The following PCDHGA4 variants were observed in gnomAD, a reference collection of about 807,000 sequenced individuals.
PCDHGA4 encodes protocadherin gamma-A4.
PCDHGA4 carries 38 observed loss-of-function variants against 54.6 expected under a neutral mutation model. That is an observed-to-expected ratio of 0.70 (90% confidence interval 0.54 to 0.91). The LOEUF (loss-of-function observed/expected upper bound fraction) is 0.91. Ranked by LOEUF, PCDHGA4 falls within the 40% of genes least tolerant of loss-of-function variation. The pLI is 0.00. For synonymous variants in PCDHGA4, 511 were observed against 512.9 expected (o/e 1.00, Z 0.05); for missense variants, 1,298 against 1,220.9 (o/e 1.06, Z -0.94).
rs371490086 is a variant in PCDHGA4, at chr5:141,405,329, G to T, written c.2514+47708G>T. 3 of 1,614,168 alleles carry T rather than the reference G, an allele frequency of 1.9e-6. No individual in the cohort carries two copies. Among genetic ancestry groups the T allele is most frequent in the Non-Finnish European group, 2.5e-6 (3 of 1,180,010 alleles). On this transcript the variant is annotated intron_variant, in intron 1 of 3. Coordinates refer to ENST00000571252, the MANE Select transcript of PCDHGA4 (RefSeq NM_018917.4). The stretch of plus-strand genomic sequence containing the variant: ...CTGTGAGAAAAATGAGCCTTTGTGC[G>T]TCTCTGTTGATTCCAAGTTTCCTAT...
At chr5:141,392,627 G>C (rs4151699) in intron 1 of PCDHGA4, 43,187 of 584,208 alleles carry the variant, frequency 0.074, 2,003 homozygotes, top group Non-Finnish European at 0.093. Flanking sequence ...AAAACACTCA[G>C]ATCTCACACC....
intron 1 of PCDHGA4, among the ~76,000 whole-genome samples, chr5:141,425,819 A>C (rs1183860957): frequency 6.6e-6 from 1 of 152,246 alleles, no homozygotes; most frequent in Non-Finnish European, 1.5e-5. Flanking sequence ...TTAGAAAAAA[A>C]CAAACTTTTA....
At chr5:141,464,995 G>A (rs1330469198) in intron 1 of PCDHGA4, among the ~76,000 whole-genome samples, 1 of 151,962 alleles carries the variant, frequency 6.6e-6, no homozygotes, top group East Asian at 1.9e-4. Context: ...TCCCACCTCA[G>A]CCTCCCAAAG....
chr5:141,427,994 C>T, intron 1 of PCDHGA4: 1 of 1,599,396 alleles, frequency 6.3e-7, no homozygotes, highest in Non-Finnish European at 8.6e-7. Flanking sequence ...CCGATGGCTC[C>T]GCACTCTTCG....
chr5:141,410,849 CTTT>C (rs759346998), intron 1 of PCDHGA4: 1,556 of 136,944 alleles, frequency 0.011, no homozygotes, highest in South Asian at 0.02. Flanking sequence ...TTGTCTTTGT[CTTT>C]TTTTTTTTTT....
intron 1 of PCDHGA4, chr5:141,376,605 G>A (rs1772889995): frequency 1.2e-5 from 18 of 1,502,688 alleles, no homozygotes; most frequent in Middle Eastern, 3.5e-4. Flanking sequence ...TTATAGAAGC[G>A]AACCTCTTTT....
intron 1 of PCDHGA4, chr5:141,364,663 G>T: frequency 6.2e-7 from 1 of 1,614,042 alleles, no homozygotes; most frequent in Non-Finnish European, 8.5e-7. Flanking sequence ...TCTTGGTTGA[G>T]AACAAAATGA....
chr5:141,506,209 G>A (rs549403288), intron 3 of PCDHGA4, among the ~76,000 whole-genome samples: 3 of 152,284 alleles, frequency 2.0e-5, no homozygotes, highest in African/African-American at 7.2e-5. Context: ...CCAGCACTTT[G>A]GGAAGCTGAG....
chr5:141,413,570 A>G, intron 1 of PCDHGA4: 1 of 1,613,930 alleles, frequency 6.2e-7, no homozygotes, highest in Non-Finnish European at 8.5e-7. Context: ...GATATCAATG[A>G]CAATGCTCCA....
rs1243112302 is a variant in PCDHGA4, at chr5:141,476,738, C to G, written c.2515-18069C>G. 6.2e-7 allele frequency: 1 copy of G among 1,614,076 alleles called. No homozygotes were observed. Among genetic ancestry groups the G allele is most frequent in the Non-Finnish European group, 8.5e-7 (1 of 1,180,028 alleles). On this transcript the variant is annotated intron_variant, in intron 1 of 3. Transcript: ENST00000571252. This position sits in a 1 kb window ranked among gnomAD's most constrained non-coding sequence, Gnocchi z 7.6. ...GCGCGCCCTGGACCGAGAACGGGAG[C>G]CTAGTCTCCAGTTAGTGCTGACGGC...
intron 1 of PCDHGA4, chr5:141,414,951 G>A (rs1411406878): frequency 5.6e-6 from 9 of 1,614,092 alleles, no homozygotes; most frequent in Non-Finnish European, 7.6e-6. Flanking sequence ...GCTACCTGGT[G>A]ACCAAGGTGG....
intron 1 of PCDHGA4, chr5:141,427,535 C>T (rs746067304): frequency 8.0e-6 from 5 of 626,498 alleles, no homozygotes; most frequent in South Asian, 7.6e-5. Flanking sequence ...CGGAGTACAA[C>T]GTCACCATCA....
chr5:141,405,835 A>C (rs2094724459), intron 1 of PCDHGA4, among the ~76,000 whole-genome samples: 1 of 152,178 alleles, frequency 6.6e-6, no homozygotes, highest in African/African-American at 2.4e-5. Flanking sequence ...AGGTAGTATA[A>C]GTTGATATCA....
Position 141,487,007 on chromosome 5 carries a change from G to A in PCDHGA4, c.2515-7800G>A, listed in dbSNP as rs563548715. The A allele has an allele frequency of 3.1e-6, 5 of 1,614,206 alleles. No homozygotes were observed. In the South Asian group the frequency reaches 5.5e-5, roughly 18 times the overall value. ...TGCTTGGGTTTCCTATCAGCTCCTGGAGGCCCCAGATCCCAGCCTGTTTGC... is the reference window on the plus strand; with the variant it reads ...TGCTTGGGTTTCCTATCAGCTCCTGAAGGCCCCAGATCCCAGCCTGTTTGC... On this transcript the variant is annotated intron_variant, in intron 1 of 3. Transcript: ENST00000571252. This position sits in a 1 kb window ranked among gnomAD's most constrained non-coding sequence, Gnocchi z 5.0.
In PCDHGA4 at chr5:141,410,593, G is replaced by C. The variant is rs921521742; in HGVS notation, c.2514+52972G>C. ...TTCCACCTCATGGTGGGGAGGATTT[G>C]ACTTCACATCCTGAGACTCTGACTT... On this transcript the variant is annotated intron_variant, in intron 1 of 3. Coordinates refer to ENST00000571252, the MANE Select transcript of PCDHGA4 (RefSeq NM_018917.4). The C allele has an allele frequency of 2.5e-6, 4 of 1,608,934 alleles. No individual in the cohort carries two copies. In the African/African-American group the frequency reaches 5.3e-5, roughly 21 times the overall value.
chr5:141,489,428 G>C lies in PCDHGA4; in HGVS notation c.2515-5379G>C, dbSNP rs561792279. The C allele has an allele frequency of 1.2e-6, 2 of 1,613,994 alleles. No individual in the cohort carries two copies. Among genetic ancestry groups the C allele is most frequent in the Non-Finnish European group, 1.7e-6 (2 of 1,180,038 alleles). On this transcript the variant is annotated intron_variant, in intron 1 of 3. Coordinates refer to ENST00000571252, the MANE Select transcript of PCDHGA4 (RefSeq NM_018917.4). This position sits in a 1 kb window ranked among gnomAD's most constrained non-coding sequence, Gnocchi z 4.5. The stretch of plus-strand genomic sequence containing the variant: ...AAGATGACAGATCTGTTGAGCCGGC[G>C]GCTGCAATTGGGCTCTGAGGAGAAT...
rs1423639578 is a variant in PCDHGA4, at chr5:141,383,107, G to T, written c.2514+25486G>T. The T allele has an allele frequency of 3.1e-6, 5 of 1,613,914 alleles. No individual in the cohort carries two copies. In the East Asian group the frequency reaches 6.7e-5, roughly 22 times the overall value. Reference sequence around the variant, plus strand: ...GCGCGGAGTCCGCATCATCTCCAGAGGTAGGACGCAGCTTTTCGCCCTGAA... The same window carrying T: ...GCGCGGAGTCCGCATCATCTCCAGATGTAGGACGCAGCTTTTCGCCCTGAA... On this transcript the variant is annotated intron_variant, in intron 1 of 3. Coordinates refer to ENST00000571252, the MANE Select transcript of PCDHGA4 (RefSeq NM_018917.4).
intron 1 of PCDHGA4, chr5:141,409,917 C>G: frequency 6.2e-7 from 1 of 1,613,376 alleles, no homozygotes; most frequent in South Asian, 1.1e-5. Flanking sequence ...CCTGACGGCT[C>G]CGCGTTCTTC....
chr5:141,409,183 C>G (rs1217234895), intron 1 of PCDHGA4: 6 of 1,614,028 alleles, frequency 3.7e-6, no homozygotes, highest in Non-Finnish European at 5.1e-6. Context: ...GAGGTGGTCT[C>G]TCTACCCAGT....
Sources: gnomAD v4.1 joint callset for allele counts (sites outside exome capture counted in the v4.1 genomes callset) on GRCh38, gnomAD v4.1.1 for gene constraint, Gnocchi (gnomAD v3.1) non-coding constraint, MANE v1.5 for transcripts, NCBI Gene and HGNC (gene_info 2026-07-23, HGNC 2026-07-21) for gene names.